OTUD7A: variants seen among roughly 807,000 people sequenced by gnomAD.
OTUD7A encodes OTU deubiquitinase 7A.
OTUD7A carries 12 observed loss-of-function variants against 65.7 expected under a neutral mutation model. The ratio of observed to expected loss-of-function variants is 0.18; its 90% CI spans 0.12 to 0.30. The LOEUF (loss-of-function observed/expected upper bound fraction) is 0.30. OTUD7A is among the 10% of genes least tolerant of loss of function. The pLI, the probability that OTUD7A is intolerant of heterozygous loss-of-function variation, is 1.00. For synonymous variants in OTUD7A, 641 were observed against 586.3 expected (o/e 1.09, Z -1.35); for missense variants, 1,148 against 1,304.8 (o/e 0.88, Z 1.85).
intron 3 of OTUD7A, among the ~76,000 whole-genome samples, chr15:31,582,839 G>A (rs924564080): frequency 4.6e-5 from 7 of 152,214 alleles, no homozygotes; most frequent in African/African-American, 1.4e-4. Flanking sequence ...GGTTGGAGAG[G>A]TAATGAGGGC....
intron 10 of OTUD7A, among the ~76,000 whole-genome samples, chr15:31,500,257 A>G (rs2041448271): frequency 6.6e-6 from 1 of 152,238 alleles, no homozygotes; most frequent in Non-Finnish European, 1.5e-5. Flanking sequence ...GTGGGGAGAC[A>G]ATGGAAAGAC....
At chr15:31,710,613 G>A (rs1893417929) in intron 1 of OTUD7A, among the ~76,000 whole-genome samples, 2 of 152,178 alleles carry the variant, frequency 1.3e-5, no homozygotes, top group Admixed American at 1.3e-4. Context: ...TAAGAAGAAT[G>A]TGTGTTCTTC....
At chr15:31,795,089 A>G (rs1895917468) in intron 1 of OTUD7A, among the ~76,000 whole-genome samples, 1 of 152,248 alleles carries the variant, frequency 6.6e-6, no homozygotes, top group African/African-American at 2.4e-5. Context: ...CTTTGAAGAA[A>G]GTAACTTGGG....
At chr15:31,755,721 CAAAA>C (rs371440352) in intron 1 of OTUD7A, among the ~76,000 whole-genome samples, 1 of 124,646 alleles carries the variant, frequency 8.0e-6, no homozygotes, top group Non-Finnish European at 1.7e-5. Context: ...GACTCTGTCT[CAAAA>C]AAAAAAAAAA....
At chr15:31,611,182 A>G (rs1054313112) in intron 3 of OTUD7A, among the ~76,000 whole-genome samples, 2 of 152,174 alleles carry the variant, frequency 1.3e-5, no homozygotes, top group Non-Finnish European at 2.9e-5. Flanking sequence ...TCATAGCCCT[A>G]CACGCCTACA....
At position 31,487,203 on chromosome 15, in the gene OTUD7A, G is replaced by A. The variant is rs138608090; in HGVS notation, c.1362C>T (p.Ser454=). The A allele has an allele frequency of 4.4e-5, 71 of 1,613,894 alleles. No homozygotes were observed. Among genetic ancestry groups the A allele is most frequent in the African/African-American group, 3.5e-4 (26 of 75,062 alleles). The change falls in exon 12 of 13, where the codon TCC becomes TCT. Residue 454 remains serine, a synonymous_variant. Transcript: ENST00000307050. The surrounding 1 kb of genome is among the most constrained non-coding windows in gnomAD (Gnocchi z 6.0). ...YMNVTWIRIP[S]ETRAPLAQPE... ...GCACAGCCAGGCTCACCCGTGTCTC[G>A]GAGGGGATCCGGATCCACGTCACGT...
chr15:31,796,109 G>C (rs1595774889), intron 1 of OTUD7A, among the ~76,000 whole-genome samples: 1 of 150,616 alleles, frequency 6.6e-6, no homozygotes, highest in Admixed American at 6.7e-5. Flanking sequence ...TAACATTAGG[G>C]GTTCTCCAGA....
intron 1 of OTUD7A, among the ~76,000 whole-genome samples, chr15:31,726,454 G>A (rs1319888479): frequency 2.0e-5 from 3 of 151,930 alleles, no homozygotes; most frequent in African/African-American, 2.4e-5. Context: ...CTTGAACAGT[G>A]TAGCTAAGAA....
chr15:31,510,893 C>A (rs1222841295), intron 8 of OTUD7A, among the ~76,000 whole-genome samples: 1 of 36,936 alleles, frequency 2.7e-5, no homozygotes, highest in African/African-American at 2.2e-4. Flanking sequence ...ATATGTATAT[C>A]TATATGTAAC....
chr15:31,848,680 T>C (rs1407242789), intron 1 of OTUD7A, among the ~76,000 whole-genome samples: 1 of 152,182 alleles, frequency 6.6e-6, no homozygotes, highest in Non-Finnish European at 1.5e-5. Context: ...TTTTTTAATC[T>C]CGTTGATAGC....
chr15:31,669,085 C>T (rs974776005), intron 1 of OTUD7A, among the ~76,000 whole-genome samples: 1 of 152,186 alleles, frequency 6.6e-6, no homozygotes, highest in African/African-American at 2.4e-5. Flanking sequence ...TGCAAGGATT[C>T]TTAGCTTTGG....
chr15:31,714,440 A>C, intron 1 of OTUD7A, among the ~76,000 whole-genome samples: 1 of 152,138 alleles, frequency 6.6e-6, no homozygotes, highest in Non-Finnish European at 1.5e-5. Flanking sequence ...AATAGGGAGA[A>C]GGCTCAAGGG....
At chr15:31,590,335 CAT>C (rs1048899737) in intron 3 of OTUD7A, among the ~76,000 whole-genome samples, 6 of 152,298 alleles carry the variant, frequency 3.9e-5, no homozygotes, top group Non-Finnish European at 5.9e-5. Flanking sequence ...TTACCAATCA[CAT>C]GTCTCATAAG....
intron 3 of OTUD7A, among the ~76,000 whole-genome samples, chr15:31,609,591 A>C (rs566826126): frequency 1.3e-5 from 2 of 152,252 alleles, no homozygotes; most frequent in East Asian, 3.9e-4. Flanking sequence ...GTCTGAGCTC[A>C]GACACGCCTA....
intron 1 of OTUD7A, chr15:31,766,375 G>A: frequency 1.3e-6 from 2 of 1,587,214 alleles, no homozygotes; most frequent in South Asian, 1.1e-5. Context: ...CAACATAACT[G>A]TAGAGCATCG....
intron 1 of OTUD7A, among the ~76,000 whole-genome samples, chr15:31,730,352 T>C (rs373368139): frequency 6.6e-6 from 1 of 152,182 alleles, no homozygotes; most frequent in East Asian, 1.9e-4. Flanking sequence ...ATTATGAGAT[T>C]TTACTTTGTT....
chr15:31,725,953 T>C (rs949301189), intron 1 of OTUD7A, among the ~76,000 whole-genome samples: 10 of 152,164 alleles, frequency 6.6e-5, no homozygotes, highest in Admixed American at 2.6e-4. Flanking sequence ...CTTAAACTAA[T>C]TGAAAGTACC....
Position 31,484,634 on chromosome 15 carries a change from C to G in OTUD7A, c.1462G>C (p.Val488Leu), listed in dbSNP as rs76704217. ...TTATTGCTGTTAGAATTGCTGCACA[C>G]CGAATCGCGGTCCGAGTCCAGCGAG... ...ADSLDSDRDS[V>L]CSNSNSNNGK... Residue 488 changes from valine to leucine, a missense_variant, in exon 13 of 13, where the codon GTG (valine) becomes CTG (leucine). By Grantham distance (32) the Val-to-Leu change is conservative (BLOSUM62 1). This residue lies in a region of OTUD7A where 842 missense variants were observed against 769.5 expected (regional missense o/e 1.09). Coordinates refer to ENST00000307050, the MANE Select transcript of OTUD7A (RefSeq NM_001382637.1). The surrounding 1 kb of genome is among the most constrained non-coding windows in gnomAD (Gnocchi z 4.5). 65,923 of 1,591,276 alleles carry G rather than the reference C, an allele frequency of 0.041. 1,589 individuals carry two copies. Among genetic ancestry groups the G allele is most frequent in the Non-Finnish European group, 0.047 (55,111 of 1,170,030 alleles).
chr15:31,586,961 G>A (rs933667346), intron 3 of OTUD7A, among the ~76,000 whole-genome samples: 5 of 152,056 alleles, frequency 3.3e-5, no homozygotes, highest in African/African-American at 9.7e-5. Flanking sequence ...AGGGCTGCTC[G>A]CTGTGAGTGC....
Sources: allele counts gnomAD v4.1 joint callset (sites outside exome capture counted in the v4.1 genomes callset), GRCh38; gene constraint gnomAD v4.1.1; regional missense constraint gnomAD v4.1.1; non-coding constraint Gnocchi (gnomAD v3.1); transcripts MANE v1.5; gene names NCBI Gene and HGNC (gene_info 2026-07-23, HGNC 2026-07-21).